The following DLG2 variants were observed in gnomAD, a reference collection of about 807,000 sequenced individuals.
The protein encoded by DLG2 is discs large MAGUK scaffold protein 2, also known as disks large homolog 2.
In DLG2, 45 loss-of-function variants were observed where a neutral mutation model predicts 132.5. The ratio of observed to expected loss-of-function variants is 0.34; its 90% CI spans 0.27 to 0.44. The LOEUF (loss-of-function observed/expected upper bound fraction) is 0.44, where lower values mean the gene tolerates loss of function less well. DLG2 is among the 20% of genes least tolerant of loss of function. The pLI is 1.00. For missense variants in DLG2, 1,045 were observed against 1,196.9 expected (o/e 0.87, Z 1.87); for synonymous variants, 424 against 419.6 (o/e 1.01, Z -0.13).
At chr11:84,946,483 C>T (rs532280971) in intron 6 of DLG2, among the ~76,000 whole-genome samples, 1 of 152,128 alleles carries the variant, frequency 6.6e-6, no homozygotes, top group East Asian at 1.9e-4. Context: ...CCTTTATGGC[C>T]CAGGATGTGT....
intron 6 of DLG2, among the ~76,000 whole-genome samples, chr11:84,868,215 G>A (rs889636542): frequency 8.7e-5 from 13 of 149,332 alleles, no homozygotes; most frequent in Non-Finnish European, 1.5e-4. Flanking sequence ...GCCATTGAAG[G>A]TTTATTTTAT....
intron 5 of DLG2, among the ~76,000 whole-genome samples, chr11:85,136,142 A>C (rs541853647): frequency 1.3e-5 from 2 of 152,356 alleles, no homozygotes; most frequent in East Asian, 1.9e-4. Flanking sequence ...TTTTACAGCA[A>C]GCATTTTACA....
chr11:85,347,923 C>A (rs1232335023), intron 3 of DLG2, among the ~76,000 whole-genome samples: 6 of 146,516 alleles, frequency 4.1e-5, no homozygotes, highest in African/African-American at 1.5e-4. Flanking sequence ...CTCACCTCAG[C>A]CTCCCAAGTA....
At chr11:84,714,603 CTTTCTCTTTCTCTT>C (rs1565749926) in intron 6 of DLG2, among the ~76,000 whole-genome samples, 5,856 of 125,132 alleles carry the variant, frequency 0.047, 223 homozygotes, top group Middle Eastern at 0.07. Context: ...CTTTCTTTCT[CTTTCTCTTTCTCTT>C]TCTCTTTCTC....
At chr11:84,758,631 T>G (rs1197900174) in intron 6 of DLG2, among the ~76,000 whole-genome samples, 1 of 152,192 alleles carries the variant, frequency 6.6e-6, no homozygotes, top group Non-Finnish European at 1.5e-5. Context: ...TTATTTTAAA[T>G]CATACCATAA....
chr11:85,322,986 A>G (rs1256154012), intron 3 of DLG2, among the ~76,000 whole-genome samples: 1 of 152,214 alleles, frequency 6.6e-6, no homozygotes, highest in African/African-American at 2.4e-5. Flanking sequence ...ACCCCCATTG[A>G]TTTAACTTTT....
intron 6 of DLG2, chr11:84,762,138 G>A (rs2067716590): frequency 6.6e-6 from 1 of 152,032 alleles, no homozygotes; most frequent in African/African-American, 2.4e-5. Context: ...ACAAGGTGGG[G>A]CCTTCATCAT....
chr11:85,529,846 T>A (rs2075062030), intron 3 of DLG2, among the ~76,000 whole-genome samples: 1 of 152,108 alleles, frequency 6.6e-6, no homozygotes, highest in Non-Finnish European at 1.5e-5. Context: ...AGGAGATGAG[T>A]TTGTCTTTAT....
At chr11:85,204,299 T>C (rs79521078) in intron 4 of DLG2, among the ~76,000 whole-genome samples, 3,027 of 152,188 alleles carry the variant, frequency 0.02, 58 homozygotes, top group Admixed American at 0.037. Context: ...CTAAACACTT[T>C]AGCAGAAAAC....
At chr11:83,717,271 T>G (rs1413929826) in intron 18 of DLG2, among the ~76,000 whole-genome samples, 2 of 152,192 alleles carry the variant, frequency 1.3e-5, no homozygotes, top group Non-Finnish European at 2.9e-5. Flanking sequence ...CAAGTTTAAA[T>G]TTAAATCTTA....
At chr11:83,922,740 T>C (rs1306697394) in intron 15 of DLG2, among the ~76,000 whole-genome samples, 1 of 152,110 alleles carries the variant, frequency 6.6e-6, no homozygotes, top group Non-Finnish European at 1.5e-5. Context: ...TGTGAGAAGA[T>C]GAGCTTGGAT....
chr11:85,534,160 G>A (rs1598337650), intron 3 of DLG2, among the ~76,000 whole-genome samples: 2 of 151,992 alleles, frequency 1.3e-5, no homozygotes, highest in African/African-American at 4.8e-5. Flanking sequence ...GCTAATTTTT[G>A]TCTGTCTCTA....
At chr11:84,656,013 C>T (rs2099687801) in intron 6 of DLG2, among the ~76,000 whole-genome samples, 1 of 152,008 alleles carries the variant, frequency 6.6e-6, no homozygotes, top group South Asian at 2.1e-4. Flanking sequence ...GTAACAGAGA[C>T]AAAGAAAAGA....
At chr11:85,623,178 G>A (rs2081840399) in intron 2 of DLG2, among the ~76,000 whole-genome samples, 1 of 151,854 alleles carries the variant, frequency 6.6e-6, no homozygotes, top group Non-Finnish European at 1.5e-5. Flanking sequence ...TGATAAAAAT[G>A]TTTATATATA....
intron 9 of DLG2, among the ~76,000 whole-genome samples, chr11:84,104,440 G>C (rs2092762297): frequency 6.6e-6 from 1 of 152,070 alleles, no homozygotes; most frequent in Non-Finnish European, 1.5e-5. Flanking sequence ...GGAAGGAAAG[G>C]GAAAAAGGTT....
intron 9 of DLG2, among the ~76,000 whole-genome samples, chr11:84,162,297 GCT>G (rs2095563980): frequency 6.6e-6 from 1 of 151,548 alleles, no homozygotes; most frequent in Non-Finnish European, 1.5e-5. Flanking sequence ...ATCTTTCCAG[GCT>G]TTATGAGTGT....
intron 6 of DLG2, among the ~76,000 whole-genome samples, chr11:85,071,979 C>G (rs922322310): frequency 6.6e-6 from 1 of 151,696 alleles, no homozygotes; most frequent in African/African-American, 2.4e-5. Flanking sequence ...CAGTCCATGC[C>G]GCAACACAAA....
At chr11:84,213,720 G>C (rs889006373) in intron 8 of DLG2, among the ~76,000 whole-genome samples, 6 of 151,042 alleles carry the variant, frequency 4.0e-5, no homozygotes, top group Non-Finnish European at 8.8e-5. Flanking sequence ...TCGGGAGGCT[G>C]AGGCAGGAGA....
intron 18 of DLG2, among the ~76,000 whole-genome samples, chr11:83,700,213 C>T (rs907766508): frequency 6.6e-6 from 1 of 152,088 alleles, no homozygotes; most frequent in Non-Finnish European, 1.5e-5. Context: ...TGGGGCTTGA[C>T]ACACAGTAAG....
Sources: gnomAD v4.1 joint callset for allele counts (sites outside exome capture counted in the v4.1 genomes callset) on GRCh38, gnomAD v4.1.1 for gene constraint, MANE v1.5 for transcripts, NCBI Gene and HGNC (gene_info 2026-07-23, HGNC 2026-07-21) for gene names.